TRHDE: variants seen among roughly 807,000 people sequenced by gnomAD.
TRHDE encodes the protein thyrotropin releasing hormone degrading enzyme, also known as thyrotropin-releasing hormone-degrading ectoenzyme.
Under a neutral mutation model 125.7 loss-of-function variants are expected in TRHDE, and 72 were observed. The observed-to-expected ratio is 0.57, with a 90% confidence interval of 0.47 to 0.70. TRHDE has a LOEUF of 0.70. TRHDE is among the 30% of genes least tolerant of loss of function. TRHDE has a pLI of 0.00. For synonymous variants in TRHDE, 509 were observed against 509.1 expected (o/e 1.00, Z 0.00); for missense variants, 1,110 against 1,327.1 (o/e 0.84, Z 2.54).
chr12:72,586,974 C>T (rs1033410691), intron 12 of TRHDE, among the ~76,000 whole-genome samples: 2 of 151,844 alleles, frequency 1.3e-5, no homozygotes, highest in East Asian at 3.9e-4. Context: ...GGAATGCTGT[C>T]AAAAATGCCA....
chr12:72,238,331 T>C lies in TRHDE; in HGVS notation n.279+132579T>C, dbSNP rs11179125. On this transcript the variant is annotated intron_variant and non_coding_transcript_variant, in intron 2 of 4. Coordinates refer to the TRHDE transcript ENST00000548156. ...ATATATATATATATATACATATATA[T>C]ATACACATTATATATATATATATAT... Among the ~76,000 whole-genome samples the C allele has an allele frequency of 6.2e-3, 191 of 30,882 alleles. 21 individuals are homozygous for C. Among genetic ancestry groups the C allele is most frequent in the African/African-American group, 0.018 (142 of 8,026 alleles). The allele number at this position is 30,882 out of a possible 152,430, so 20.3% of individuals were successfully genotyped here. A position where few individuals can be genotyped will look rare whatever the true frequency, so the allele number is the denominator to read the frequency against.
chr12:72,120,579 T>C (rs928606654), intron 2 of TRHDE, among the ~76,000 whole-genome samples: 2 of 152,046 alleles, frequency 1.3e-5, no homozygotes, highest in African/African-American at 4.8e-5. Context: ...TTTAAGCTAA[T>C]GATAACAACG....
intron 5 of TRHDE, among the ~76,000 whole-genome samples, chr12:72,486,667 G>C (rs1306309645): frequency 6.6e-6 from 1 of 152,088 alleles, no homozygotes; most frequent in Non-Finnish European, 1.5e-5. Context: ...GAAAGTATTA[G>C]CCTCCAAAAG....
intron 6 of TRHDE, among the ~76,000 whole-genome samples, chr12:72,510,668 G>C (rs1235011766): frequency 6.6e-6 from 1 of 151,956 alleles, no homozygotes; most frequent in Non-Finnish European, 1.5e-5. Flanking sequence ...GAAAAAAAAT[G>C]TCTTATTTAG....
At position 72,214,481 on chromosome 12, in the gene TRHDE, G is replaced by A. The variant is rs567416136; in HGVS notation, n.279+108729G>A. Among the ~76,000 whole-genome samples, 3 of 152,110 alleles carry A rather than the reference G, an allele frequency of 2.0e-5. No homozygotes were observed. In the East Asian group the frequency reaches 5.8e-4, roughly 29 times the overall value. On this transcript the variant is annotated intron_variant and non_coding_transcript_variant, in intron 2 of 4. Coordinates refer to the TRHDE transcript ENST00000548156. Reference sequence around the variant, plus strand: ...AAAACAATTATTGCTTTTTTCTGAGGTCATGAATTTGGTTTTCTAGATATT... The same window carrying A: ...AAAACAATTATTGCTTTTTTCTGAGATCATGAATTTGGTTTTCTAGATATT...
intron 1 of TRHDE, among the ~76,000 whole-genome samples, chr12:72,094,648 C>A (rs866026115): frequency 2.0e-5 from 3 of 152,308 alleles, no homozygotes; most frequent in Middle Eastern, 3.4e-3. Context: ...GGACTGAGGT[C>A]GGCAGGTCTG....
In TRHDE at chr12:72,578,339, A is replaced by G. The variant is rs193301424; in HGVS notation, c.2321+2797A>G. On this transcript the variant is annotated intron_variant, in intron 12 of 18. Transcript: ENST00000261180. Reference sequence around the variant, plus strand: ...GAGCAGGGGTGGAGGAAGTAGTTCAACCCCAAAGAGTGACACAGCAGAGTC... The same window carrying G: ...GAGCAGGGGTGGAGGAAGTAGTTCAGCCCCAAAGAGTGACACAGCAGAGTC... Among the ~76,000 whole-genome samples the G allele has an allele frequency of 1.3e-4, 20 of 152,190 alleles. No homozygotes were observed. In the East Asian group the frequency reaches 3.9e-3, roughly 29 times the overall value.
intron 2 of TRHDE, among the ~76,000 whole-genome samples, chr12:72,203,153 G>T (rs1169440370): frequency 3.3e-5 from 5 of 152,104 alleles, no homozygotes; most frequent in Non-Finnish European, 5.9e-5. Context: ...TAGAGAGAGA[G>T]AGAGAGGAGA....
intron 3 of TRHDE, among the ~76,000 whole-genome samples, chr12:72,380,954 G>T (rs1451159464): frequency 6.6e-6 from 1 of 151,478 alleles, no homozygotes. Flanking sequence ...TTAAGCAGAG[G>T]CATTGTAGAA....
intron 2 of TRHDE, among the ~76,000 whole-genome samples, chr12:72,295,028 G>T (rs1477051341): frequency 6.6e-6 from 1 of 151,896 alleles, no homozygotes; most frequent in Admixed American, 6.6e-5. Flanking sequence ...CAAGGGCAAG[G>T]GGGGCTTTCC....
chr12:72,603,762 C>A (rs111247090), intron 12 of TRHDE, among the ~76,000 whole-genome samples: 56 of 151,022 alleles, frequency 3.7e-4, no homozygotes, highest in African/African-American at 2.4e-4. Flanking sequence ...ACAACAACAA[C>A]AACAAAAAAA....
intron 15 of TRHDE, among the ~76,000 whole-genome samples, chr12:72,638,721 A>T (rs1348636089): frequency 6.6e-6 from 1 of 151,686 alleles, no homozygotes; most frequent in Admixed American, 6.6e-5. Context: ...ATCTCTCAGC[A>T]TTTGCTTGTC....
rs575945586 is a variant in TRHDE, at chr12:72,091,663, G to A, written n.174+4224G>A. On this transcript the variant is annotated intron_variant and non_coding_transcript_variant, in intron 1 of 4. Coordinates refer to the TRHDE transcript ENST00000548156. ...TGTGATCAACTCAGTATACCACTGG[G>A]GGCTATATAAGTAAACAGCAAACTG... Among the ~76,000 whole-genome samples, 116 of 152,216 alleles carry A rather than the reference G, an allele frequency of 7.6e-4. 1 individual carries two copies. Among genetic ancestry groups the A allele is most frequent in the South Asian group, 4.2e-3 (20 of 4,818 alleles).
chr12:72,514,488 T>G (rs1444470387), intron 6 of TRHDE, among the ~76,000 whole-genome samples: 2 of 151,858 alleles, frequency 1.3e-5, no homozygotes, highest in Non-Finnish European at 2.9e-5. Flanking sequence ...AAAAAAGAGC[T>G]AAAGAGAGAA....
intron 9 of TRHDE, 130 bp downstream of exon 9, chr12:72,563,170 A>G: frequency 1.5e-6 from 1 of 669,168 alleles, no homozygotes; most frequent in Non-Finnish European, 2.4e-6. Flanking sequence ...TTCTTTATTT[A>G]CACAAGTTAC....
At chr12:72,390,559 G>C (rs1292890080) in intron 3 of TRHDE, among the ~76,000 whole-genome samples, 1 of 152,170 alleles carries the variant, frequency 6.6e-6, no homozygotes, top group Non-Finnish European at 1.5e-5. Flanking sequence ...GTAAATTAGG[G>C]TTAACCATCT....
intron 7 of TRHDE, among the ~76,000 whole-genome samples, chr12:72,557,942 G>A (rs928343785): frequency 1.3e-5 from 2 of 150,252 alleles, no homozygotes; most frequent in African/African-American, 5.0e-5. Flanking sequence ...AACAAATATT[G>A]CAAAAAGAAA....
At chr12:72,463,137 C>T (rs1047148849) in intron 3 of TRHDE, among the ~76,000 whole-genome samples, 1 of 152,202 alleles carries the variant, frequency 6.6e-6, no homozygotes, top group African/African-American at 2.4e-5. Context: ...GAAAATGCCA[C>T]ATCCCCTGAC....
chr12:72,209,951 C>T (rs1877741211), intron 2 of TRHDE, among the ~76,000 whole-genome samples: 1 of 151,908 alleles, frequency 6.6e-6, no homozygotes, highest in South Asian at 2.1e-4. Flanking sequence ...GAAAAATGTT[C>T]CAGGATCAAG....
Sources: allele counts gnomAD v4.1 joint callset (sites outside exome capture counted in the v4.1 genomes callset), GRCh38; gene constraint gnomAD v4.1.1; transcripts MANE v1.5; gene names NCBI Gene and HGNC (gene_info 2026-07-23, HGNC 2026-07-21).